Variants in CHAF1A observed in about 807,000 individuals in gnomAD.
CHAF1A encodes the protein CAF-1 subunit A.
A neutral mutation model predicts 93.2 loss-of-function variants in CHAF1A; 5 were observed. The ratio of observed to expected loss-of-function variants is 0.05; its 90% CI spans 0.03 to 0.11. CHAF1A has a LOEUF of 0.11. Ranked by LOEUF, CHAF1A falls within the 10% of genes least tolerant of loss-of-function variation. The pLI is 1.00. For missense variants in CHAF1A, 1,102 were observed against 1,259.9 expected, an observed-to-expected ratio of 0.87 and a Z score of 1.90; for synonymous variants, 504 against 510.3, an observed-to-expected ratio of 0.99 and a Z score of 0.17.
intron 2 of CHAF1A, among the ~76,000 whole-genome samples, chr19:4,406,202 A>G (rs1223774943): frequency 6.6e-6 from 1 of 151,960 alleles, no homozygotes; most frequent in East Asian, 1.9e-4. Flanking sequence ...GCTCTCCTGT[A>G]TGTTGTAGGG....
chr19:4,408,616 G>T (rs1375733753), intron 2 of CHAF1A, among the ~76,000 whole-genome samples: 1 of 151,176 alleles, frequency 6.6e-6, no homozygotes, highest in East Asian at 1.9e-4. Flanking sequence ...TGGTATTACA[G>T]GCGTGTGCCA....
chr19:4,431,955 T>G lies in CHAF1A; in HGVS notation c.1951T>G (p.Cys651Gly), dbSNP rs1228652317. 3 of 1,603,314 alleles carry G rather than the reference T, an allele frequency of 1.9e-6. No individual in the cohort carries two copies. Among genetic ancestry groups the G allele is most frequent in the South Asian group, 1.1e-5 (1 of 90,716 alleles). ...LSEDEGVTEE[C>G]ADPENHKVRQ... ...CTTCTGCTTTCTAAACCACAAGGAGTGTGCCGACCCTGAGAACCATAAGGT... is the reference window on the plus strand; with the variant it reads ...CTTCTGCTTTCTAAACCACAAGGAGGGTGCCGACCCTGAGAACCATAAGGT... The change falls in exon 12 of 15, where the codon TGT becomes GGT. Residue 651 changes from cysteine (C) to glycine (G), a missense_variant. By Grantham distance (159) the Cys-to-Gly change is radical. Coordinates refer to ENST00000301280, the MANE Select transcript of CHAF1A (RefSeq NM_005483.3).
intron 3 of CHAF1A, among the ~76,000 whole-genome samples, chr19:4,413,710 A>G (rs1973849167): frequency 6.6e-6 from 1 of 152,198 alleles, no homozygotes; most frequent in Admixed American, 6.5e-5. Context: ...TTGTTCCGAT[A>G]CAGGTCCTGC....
At chr19:4,423,281 CCCTT>C in intron 5 of CHAF1A, 50 bp from the exon 6 acceptor site, 5 of 1,611,404 alleles carry the variant, frequency 3.1e-6, no homozygotes, top group Non-Finnish European at 4.2e-6. Context: ...GTGCTGCGGT[CCCTT>C]CCAGAGCCAA....
downstream of CHAF1A, chr19:4,447,479 C>T: frequency 1.3e-6 from 2 of 1,562,714 alleles, no homozygotes; most frequent in Non-Finnish European, 1.8e-6. Flanking sequence ...TGGTGTGGGC[C>T]ACCACCGGCT....
At chr19:4,447,911 C>T (rs542490638), downstream of CHAF1A, 560 of 510,322 alleles carry the variant, frequency 1.1e-3, 2 homozygotes, top group African/African-American at 9.8e-3. Context: ...GCCACAGTGC[C>T]GGAAGAGTGG....
In CHAF1A at chr19:4,443,123, T is replaced by G. The variant is rs1487324166; in HGVS notation, c.*98T>G. 8 of 800,852 alleles carry G rather than the reference T, an allele frequency of 1.0e-5. No homozygotes were observed. Among genetic ancestry groups the G allele is most frequent in the Non-Finnish European group, 1.7e-5 (8 of 462,214 alleles). The allele number at this position is 800,852 out of a possible 1,614,324, so 49.6% of individuals were successfully genotyped here. On this transcript the variant is annotated 3_prime_UTR_variant, in exon 15 of 15. Coordinates refer to ENST00000301280, the MANE Select transcript of CHAF1A (RefSeq NM_005483.3). ...CTGTGTAAAGAGCACTTTGTCCTGC[T>G]TCACGGACCTCCCCAAAGTGTGCAG...
intron 7 of CHAF1A, among the ~76,000 whole-genome samples, chr19:4,425,966 C>T (rs936802834): frequency 1.3e-5 from 2 of 152,132 alleles, no homozygotes; most frequent in African/African-American, 4.8e-5. Flanking sequence ...TTTTACTTGA[C>T]TCTTGGTGCA....
Position 4,428,604 on chromosome 19 carries a change from C to A in CHAF1A, c.1378-60C>A, listed in dbSNP as rs542979512. The A allele has an allele frequency of 4.2e-6, 6 of 1,425,032 alleles. No individual in the cohort carries two copies. The South Asian group carries it at 7.0e-5, about 17-fold the overall frequency. The allele number at this position is 1,425,032 out of a possible 1,614,324, so 88.3% of individuals were successfully genotyped here. On this transcript the variant is annotated intron_variant, in intron 7 of 14. Coordinates refer to ENST00000301280, the MANE Select transcript of CHAF1A (RefSeq NM_005483.3). Reference sequence around the variant, plus strand: ...CCCACCAGCACCCTGCTGTGTGCGTCCATGGTGCCTCCTTTCTCCCATTGC... The same window carrying A: ...CCCACCAGCACCCTGCTGTGTGCGTACATGGTGCCTCCTTTCTCCCATTGC...
intron 3 of CHAF1A, among the ~76,000 whole-genome samples, chr19:4,417,457 C>CGGTTT: frequency 9.7e-6 from 1 of 103,102 alleles, no homozygotes; most frequent in South Asian, 4.0e-4. Flanking sequence ...CCAGCTGTCG[C>CGGTTT]TTTTTTTTTT....
In CHAF1A at chr19:4,430,645, AG is replaced by A; in HGVS notation, c.1947+7del. On this transcript the variant is annotated splice_donor_5th_base_variant and intron_variant, in intron 11 of 14. Transcript: ENST00000301280. ...TGAGGACGAAGGTGTGACAGAGGTG[AG>A]GGAGTGAAGGGGGAGGTCACCGGCT... 1 of 1,612,906 alleles carries A rather than the reference AG, an allele frequency of 6.2e-7. No homozygotes were observed. Among genetic ancestry groups the A allele is most frequent in the Non-Finnish European group, 8.5e-7 (1 of 1,179,744 alleles).
At chr19:4,423,700 C>CA (rs1238348464) in intron 6 of CHAF1A, 106 bp from the exon 7 acceptor site, 3 of 1,168,810 alleles carry the variant, frequency 2.6e-6, no homozygotes, top group Non-Finnish European at 3.8e-6. Flanking sequence ...GTAGTGCCTT[C>CA]AAGCTAAAAT....
chr19:4,418,083 C>T lies in CHAF1A; in HGVS notation c.1017+7C>T, dbSNP rs1487683478. 1.3e-6 allele frequency: 2 copies of T among 1,587,062 alleles called. No individual in the cohort carries two copies. The highest frequency in any genetic ancestry group is 1.7e-6 in the Non-Finnish European group (2 of 1,164,482). On this transcript the variant is annotated splice_region_variant and intron_variant, in intron 4 of 14. Coordinates refer to ENST00000301280, the MANE Select transcript of CHAF1A (RefSeq NM_005483.3). ...CAAGCTCAGACTGCAAAGAGTAAGA[C>T]ATTTTCCCTGAAATAGAAAATTAAC...
intron 3 of CHAF1A, among the ~76,000 whole-genome samples, chr19:4,414,182 C>T (rs1002456786): frequency 6.6e-6 from 1 of 152,156 alleles, no homozygotes; most frequent in African/African-American, 2.4e-5. Context: ...GGGAGGATTG[C>T]TTGAGCTTAG....
chr19:4,429,158 TCG>T, intron 8 of CHAF1A: 1 of 588,644 alleles, frequency 1.7e-6, no homozygotes, highest in Non-Finnish European at 3.0e-6. Flanking sequence ...CCCCAACACC[TCG>T]CTCTTGCAAA....
intron 13 of CHAF1A, among the ~76,000 whole-genome samples, chr19:4,435,087 C>CTTTTTTTTTTTTT (rs869255408): frequency 3.4e-5 from 3 of 87,962 alleles, no homozygotes; most frequent in African/African-American, 9.4e-5. Flanking sequence ...CTTTTTTTTC[C>CTTTTTTTTTTTTT]TTTTTTTTTT....
rs1424716517 is a variant in CHAF1A, at chr19:4,409,169, A to G, written c.370A>G (p.Asn124Asp). The change falls in exon 3 of 15, where the codon AAT becomes GAT. Residue 124 changes from asparagine to aspartate, a missense_variant. Physicochemically the swap from Asn to Asp is conservative, Grantham distance 23. Around this residue, in one of 6 missense-constraint regions of CHAF1A, gnomAD observed 379 missense variants for 365.7 expected, o/e 1.04. Coordinates refer to ENST00000301280, the MANE Select transcript of CHAF1A (RefSeq NM_005483.3). ...TVIIDLTEDSNEQPDSLVDHN... is the reference protein window; with the variant it reads ...TVIIDLTEDSDEQPDSLVDHN... ...CATCATTGATTTGACAGAGGACTCG[A>G]ATGAGCAGCCAGACAGTCTTGTGGA... 1 of 1,614,102 alleles carries G rather than the reference A, an allele frequency of 6.2e-7. No individual in the cohort carries two copies. Among genetic ancestry groups the G allele is most frequent in the Non-Finnish European group, 8.5e-7 (1 of 1,180,068 alleles).
chr19:4,408,881 T>C (rs1973735416), intron 2 of CHAF1A, 22 bp from the exon 3 acceptor site: 1 of 1,579,032 alleles, frequency 6.3e-7, no homozygotes, highest in African/African-American at 1.4e-5. Flanking sequence ...TCACTAGAGA[T>C]GGCTTTCTGT....
chr19:4,421,774 CAAG>C (rs1251807453), intron 4 of CHAF1A, among the ~76,000 whole-genome samples: 1 of 152,164 alleles, frequency 6.6e-6, no homozygotes, highest in Non-Finnish European at 1.5e-5. Context: ...GACTTTGTCT[CAAG>C]AAAAATAAAA....
Sources: gnomAD v4.1 joint callset for allele counts (sites outside exome capture counted in the v4.1 genomes callset) on GRCh38, gnomAD v4.1.1 for gene constraint, gnomAD v4.1.1 regional missense constraint, MANE v1.5 for transcripts, NCBI Gene and HGNC (gene_info 2026-07-23, HGNC 2026-07-21) for gene names.